DHX32: variants seen among roughly 807,000 people sequenced by gnomAD.
The protein encoded by DHX32 is DEAH-box helicase 32 (putative).
A neutral mutation model predicts 70.0 loss-of-function variants in DHX32; 51 were observed. The observed-to-expected ratio is 0.73, with a 90% CI of 0.58 to 0.92. DHX32 has a LOEUF of 0.92. DHX32 is among the 40% of genes least tolerant of loss of function. The pLI is 0.00. For missense variants in DHX32, 762 were observed against 891.8 expected (o/e 0.85, Z 1.85); for synonymous variants, 310 against 315.3 (o/e 0.98, Z 0.18).
At chr10:125,841,392 A>G in intron 7 of DHX32, 2 of 1,609,442 alleles carry the variant, frequency 1.2e-6, no homozygotes, top group Non-Finnish European at 1.7e-6. Context: ...GAATGAAGCC[A>G]ATAGGAAATA....
Position 125,867,131 on chromosome 10 carries a change from C to G in DHX32, c.335G>C (p.Gly112Ala), listed in dbSNP as rs757531922. Residue 112 changes from glycine (G) to alanine (A), a missense_variant, in exon 2 of 11, where the codon GGC becomes GCC. Gly to Ala is a moderately conservative substitution (Grantham distance 60). Coordinates refer to ENST00000284690, the MANE Select transcript of DHX32 (RefSeq NM_018180.3). ...YCLSIHYQHG[G>A]VICTQVHKQT... Reference sequence around the variant, plus strand: ...CTTGTGGACCTGTGTGCATATCACGCCCCCGTGCTGGTAGTGGATGGAAAG... The same window carrying G: ...CTTGTGGACCTGTGTGCATATCACGGCCCCGTGCTGGTAGTGGATGGAAAG... 6.2e-7 allele frequency: 1 copy of G among 1,614,160 alleles called. No homozygotes were observed. The highest frequency in any genetic ancestry group is 8.5e-7 in the Non-Finnish European group (1 of 1,180,020).
chr10:125,878,329 G>C (rs151126318), intron 1 of DHX32, among the ~76,000 whole-genome samples: 4 of 152,284 alleles, frequency 2.6e-5, no homozygotes, highest in African/African-American at 9.6e-5. Context: ...TCTGCAACAG[G>C]AGGAGATGAC....
chr10:125,882,967 C>T (rs903178889), upstream of DHX32, among the ~76,000 whole-genome samples: 1 of 152,094 alleles, frequency 6.6e-6, no homozygotes, highest in African/African-American at 2.4e-5. Flanking sequence ...AATATTATAA[C>T]CAATGATTGC....
intron 8 of DHX32, among the ~76,000 whole-genome samples, chr10:125,840,343 C>T (rs935044876): frequency 9.2e-5 from 14 of 152,228 alleles, no homozygotes; most frequent in Non-Finnish European, 2.1e-4. Flanking sequence ...ACACCCTCTG[C>T]TCTCCTCTAT....
intron 1 of DHX32, among the ~76,000 whole-genome samples, chr10:125,878,183 A>C (rs542633393): frequency 6.6e-6 from 1 of 152,222 alleles, no homozygotes; most frequent in East Asian, 1.9e-4. Flanking sequence ...AGGAGACCAG[A>C]ATATGTGACC....
chr10:125,847,938 C>A (rs933884642), intron 6 of DHX32, among the ~76,000 whole-genome samples: 16 of 152,204 alleles, frequency 1.1e-4, no homozygotes, highest in Admixed American at 2.6e-4. Flanking sequence ...GCTTGCCCCC[C>A]ACTCACCTCC....
rs947075958 is a variant in DHX32 at position 125,866,268 on chromosome 10, A to G, written c.476+722T>C. ...ACTAGCCCAGAGCAGTGATTTTTCC[A>G]GTTTCTTTTTCCTTTTTTTTCTTCT... On this transcript the variant is annotated intron_variant, in intron 2 of 10. Transcript: ENST00000284690. This position sits in a 1 kb window ranked among gnomAD's most constrained non-coding sequence, Gnocchi z 4.8. Among the ~76,000 whole-genome samples the G allele has an allele frequency of 3.9e-5, 6 of 152,220 alleles. No individual in the cohort carries two copies. Among genetic ancestry groups the G allele is most frequent in the African/African-American group, 1.4e-4 (6 of 41,462 alleles).
At chr10:125,841,041 T>C in intron 7 of DHX32, 45 bp from the exon 8 acceptor site, 1 of 1,571,906 alleles carries the variant, frequency 6.4e-7, no homozygotes, top group South Asian at 1.2e-5. Context: ...ATGAAGACAT[T>C]TTATCTTAGC....
In DHX32 at chr10:125,866,633, G is replaced by A. The variant is rs938312735; in HGVS notation, c.476+357C>T. Among the ~76,000 whole-genome samples, 2 of 152,210 alleles carry A rather than the reference G, an allele frequency of 1.3e-5. No homozygotes were observed. The highest frequency in any genetic ancestry group is 2.4e-5 in the African/African-American group (1 of 41,464). On this transcript the variant is annotated intron_variant, in intron 2 of 10. Coordinates refer to ENST00000284690, the MANE Select transcript of DHX32 (RefSeq NM_018180.3). This position sits in a 1 kb window ranked among gnomAD's most constrained non-coding sequence, Gnocchi z 4.8. ...GGCAGGTGTACAGGCACAGGGTGTG[G>A]AAAGCACAGGGCACACAGTGTGCTC...
At chr10:125,868,775 A>C (rs1323615681) in intron 1 of DHX32, among the ~76,000 whole-genome samples, 1 of 152,196 alleles carries the variant, frequency 6.6e-6, no homozygotes. Flanking sequence ...CTTACCTGTA[A>C]AATGAATAGA....
intron 1 of DHX32, chr10:125,890,620 T>C (rs2134082945): frequency 6.6e-6 from 1 of 152,456 alleles, no homozygotes; most frequent in Middle Eastern, 3.4e-3. Flanking sequence ...GAATATACAA[T>C]ATTATATTAA....
chr10:125,874,707 T>G (rs1398712657), intron 1 of DHX32, among the ~76,000 whole-genome samples: 2 of 152,164 alleles, frequency 1.3e-5, no homozygotes, highest in Non-Finnish European at 2.9e-5. Flanking sequence ...AAGGCTAGAA[T>G]AAACCCTGTA....
At chr10:125,893,613 T>G (rs144262480) in intron 1 of DHX32, among the ~76,000 whole-genome samples, 1 of 152,222 alleles carries the variant, frequency 6.6e-6, no homozygotes, top group Admixed American at 6.5e-5. Context: ...ACAAATTGAA[T>G]GTAGACCATG....
rs749874940 is a variant in DHX32 at position 125,859,702 on chromosome 10, C to G, written c.750G>C (p.Glu250Asp). Residue 250 changes from glutamate to aspartate, a missense_variant, in exon 3 of 11, where the codon GAG (glutamate) becomes GAC (aspartate). Coordinates refer to ENST00000284690, the MANE Select transcript of DHX32 (RefSeq NM_018180.3). Reference sequence around the variant, plus strand: ...TAGACTCAAAAGAATCCTTTTGAGCCTCACTAAGGTACACAACCTCCACAG... The same window carrying G: ...TAGACTCAAAAGAATCCTTTTGAGCGTCACTAAGGTACACAACCTCCACAG... ...KHPVEVVYLSEAQKDSFESIL... is the reference protein window; with the variant it reads ...KHPVEVVYLSDAQKDSFESIL... 9.9e-6 allele frequency: 16 copies of G among 1,613,804 alleles called. No individual in the cohort carries two copies. The highest frequency in any genetic ancestry group is 3.3e-5 in the Admixed American group (2 of 59,976).
chr10:125,853,317 T>G, intron 4 of DHX32: 1 of 824,228 alleles, frequency 1.2e-6, no homozygotes. Flanking sequence ...AATGGTAAAT[T>G]AGTCAATATT....
At chr10:125,856,693 C>T (rs983092055) in intron 3 of DHX32, among the ~76,000 whole-genome samples, 3 of 152,132 alleles carry the variant, frequency 2.0e-5, no homozygotes, top group African/African-American at 4.8e-5. Context: ...TGCCTATAAT[C>T]CCAGCACTTT....
chr10:125,837,659 A>G (rs1020235355), intron 10 of DHX32, among the ~76,000 whole-genome samples: 3 of 152,160 alleles, frequency 2.0e-5, no homozygotes, highest in African/African-American at 7.2e-5. Flanking sequence ...TCTTGGGCTC[A>G]AGCCATCTTC....
intron 1 of DHX32, among the ~76,000 whole-genome samples, chr10:125,878,959 C>T (rs367770873): frequency 6.7e-6 from 1 of 149,842 alleles, no homozygotes; most frequent in Non-Finnish European, 1.5e-5. Context: ...CTGCCCGTCT[C>T]GGCCTCCCAA....
chr10:125,890,232 T>A (rs1486770455), intron 1 of DHX32, among the ~76,000 whole-genome samples: 1 of 152,428 alleles, frequency 6.6e-6, no homozygotes, highest in African/African-American at 2.4e-5. Flanking sequence ...AACATATTTC[T>A]AACACAAAGT....
Sources: gnomAD v4.1 joint callset for allele counts (sites outside exome capture counted in the v4.1 genomes callset) on GRCh38, gnomAD v4.1.1 for gene constraint, Gnocchi (gnomAD v3.1) non-coding constraint, MANE v1.5 for transcripts, NCBI Gene and HGNC (gene_info 2026-07-23, HGNC 2026-07-21) for gene names.